The following FGGY variants were observed in gnomAD, a reference collection of about 807,000 sequenced individuals.
FGGY encodes the protein FGGY carbohydrate kinase domain-containing protein.
FGGY carries 72 observed loss-of-function variants against 71.3 expected under a neutral mutation model. That is an observed-to-expected ratio of 1.01 (90% CI 0.84 to 1.23). The LOEUF (loss-of-function observed/expected upper bound fraction) is 1.23. FGGY is among the 50% of genes most tolerant of loss of function. The pLI is 0.00. For synonymous variants in FGGY, 251 were observed against 250.3 expected (o/e 1.00, Z -0.02); for missense variants, 668 against 682.3 (o/e 0.98, Z 0.23).
intron 2 of FGGY, among the ~76,000 whole-genome samples, chr1:59,326,473 T>G (rs2047448931): frequency 6.6e-6 from 1 of 152,218 alleles, no homozygotes. Context: ...TGATTGCTAT[T>G]GCAGGGTGAA....
intron 9 of FGGY, among the ~76,000 whole-genome samples, chr1:59,615,536 A>C (rs889735150): frequency 6.6e-6 from 1 of 152,230 alleles, no homozygotes; most frequent in Non-Finnish European, 1.5e-5. Context: ...CTACAACCAT[A>C]AAAACCCTAG....
intron 14 of FGGY, among the ~76,000 whole-genome samples, chr1:59,713,205 C>T (rs547292517): frequency 1.3e-5 from 2 of 152,198 alleles, no homozygotes; most frequent in Non-Finnish European, 2.9e-5. Context: ...TCTGATACCA[C>T]CTCAGCCTAG....
intron 5 of FGGY, among the ~76,000 whole-genome samples, chr1:59,420,731 G>A (rs892020818): frequency 2.6e-5 from 4 of 152,074 alleles, no homozygotes; most frequent in Admixed American, 2.0e-4. Context: ...CTTCTACCCT[G>A]AAATGATCAA....
chr1:59,586,224 G>T (rs2096283699), intron 8 of FGGY, among the ~76,000 whole-genome samples: 1 of 152,098 alleles, frequency 6.6e-6, no homozygotes, highest in Admixed American at 6.6e-5. Context: ...TGTTTATTGT[G>T]GCACTATTCA....
chr1:59,516,310 G>A (rs973974759), intron 7 of FGGY, among the ~76,000 whole-genome samples: 3 of 152,182 alleles, frequency 2.0e-5, no homozygotes, highest in Non-Finnish European at 2.9e-5. Context: ...TTGAGTGAAT[G>A]CAACCTGTCA....
At position 59,457,044 on chromosome 1, in the gene FGGY, A is replaced by G. The variant is rs748586572; in HGVS notation, c.638A>G (p.Glu213Gly). ...DDSFWKMIGL[E>G]DFVADNYSKI... ...AGTTTCTGGAAAATGATTGGTTTGG[A>G]AGACTTTGTTGCAGATAATTACAGC... Residue 213 changes from glutamate (E) to glycine (G), a missense_variant, in exon 6 of 16, where the codon GAA becomes GGA. By Grantham distance (98) the Glu-to-Gly change is moderately conservative (BLOSUM62 -2). Around this residue, in one of 2 missense-constraint regions of FGGY, gnomAD observed 661 missense variants for 661.6 expected, o/e 1.00. Transcript: ENST00000303721. The G allele has an allele frequency of 6.2e-6, 10 of 1,614,010 alleles. No homozygotes were observed. Among genetic ancestry groups the G allele is most frequent in the Non-Finnish European group, 7.6e-6 (9 of 1,179,894 alleles).
Position 59,551,406 on chromosome 1 carries a change from CA to C in FGGY, c.800-2717del, listed in dbSNP as rs1380196066. ...CTTTTCGTATTGACTGACCCTGTAA[CA>C]TTAACTTTGCCTGTACTTTATGTTT... On this transcript the variant is annotated intron_variant, in intron 7 of 15. Transcript: ENST00000303721. Among the ~76,000 whole-genome samples the C allele has an allele frequency of 2.6e-5, 4 of 152,268 alleles. No individual in the cohort carries two copies. The East Asian group carries it at 7.7e-4, about 29-fold the overall frequency.
intron 6 of FGGY, among the ~76,000 whole-genome samples, chr1:59,506,752 T>C (rs2094394418): frequency 6.6e-6 from 1 of 152,086 alleles, no homozygotes. Flanking sequence ...TGAGCTGAGA[T>C]TGTGCCACTG....
intron 9 of FGGY, among the ~76,000 whole-genome samples, chr1:59,610,139 G>A (rs2096660618): frequency 6.6e-6 from 1 of 152,152 alleles, no homozygotes; most frequent in Non-Finnish European, 1.5e-5. Context: ...ATAGGAATAT[G>A]TGTGCCATGG....
chr1:59,497,831 C>T (rs558078873), intron 6 of FGGY, among the ~76,000 whole-genome samples: 115 of 152,274 alleles, frequency 7.6e-4, no homozygotes, highest in African/African-American at 2.7e-3. Flanking sequence ...GCAACTCTGT[C>T]GGCGCTGCTA....
intron 9 of FGGY, among the ~76,000 whole-genome samples, chr1:59,616,006 G>A (rs1316249269): frequency 1.3e-5 from 2 of 152,240 alleles, no homozygotes; most frequent in Non-Finnish European, 2.9e-5. Flanking sequence ...AACAGGTGCT[G>A]GAGAAATAGG....
intron 9 of FGGY, 25 bp downstream of exon 9, chr1:59,607,935 G>T (rs765342770): frequency 8.2e-5 from 128 of 1,568,798 alleles, no homozygotes; most frequent in Non-Finnish European, 4.4e-5. Context: ...TCTCAATAGG[G>T]TCATGGATGT....
At chr1:59,617,347 A>G (rs1344211490) in intron 9 of FGGY, among the ~76,000 whole-genome samples, 1 of 152,164 alleles carries the variant, frequency 6.6e-6, no homozygotes, top group Admixed American at 6.6e-5. Flanking sequence ...TTTTACAATT[A>G]AATGCAGATC....
intron 7 of FGGY, among the ~76,000 whole-genome samples, chr1:59,514,546 A>G (rs1455984711): frequency 6.6e-6 from 1 of 152,162 alleles, no homozygotes; most frequent in African/African-American, 2.4e-5. Context: ...AAATGCTTGT[A>G]AGTGATATGG....
intron 11 of FGGY, among the ~76,000 whole-genome samples, chr1:59,651,736 A>C (rs1025138703): frequency 5.3e-5 from 8 of 150,352 alleles, no homozygotes; most frequent in Non-Finnish European, 1.0e-4. Context: ...TCAATTGGAG[A>C]ATTTAGTCCA....
chr1:59,504,822 G>GT (rs2094335135), intron 6 of FGGY, among the ~76,000 whole-genome samples: 1 of 152,136 alleles, frequency 6.6e-6, no homozygotes, highest in Admixed American at 6.5e-5. Context: ...CTGTGTGAGT[G>GT]TATGTTTAAT....
chr1:59,740,202 A>G (rs1171787971), intron 14 of FGGY, among the ~76,000 whole-genome samples: 1 of 152,188 alleles, frequency 6.6e-6, no homozygotes, highest in Non-Finnish European at 1.5e-5. Flanking sequence ...CAGTTACCCA[A>G]TGTGAGTGTC....
At chr1:59,535,819 ATG>A (rs1341877022) in intron 7 of FGGY, among the ~76,000 whole-genome samples, 1 of 149,510 alleles carries the variant, frequency 6.7e-6, no homozygotes, top group African/African-American at 2.5e-5. Flanking sequence ...AATCTCTGGG[ATG>A]CATTCAAAGC....
intron 14 of FGGY, among the ~76,000 whole-genome samples, chr1:59,687,642 T>G (rs1405827733): frequency 6.6e-6 from 1 of 151,670 alleles, no homozygotes; most frequent in Non-Finnish European, 1.5e-5. Context: ...ATTTTTTTTT[T>G]TTTTTTAAGT....
Sources: gnomAD v4.1 joint callset for allele counts (sites outside exome capture counted in the v4.1 genomes callset) on GRCh38, gnomAD v4.1.1 for gene constraint, gnomAD v4.1.1 regional missense constraint, MANE v1.5 for transcripts, NCBI Gene and HGNC (gene_info 2026-07-23, HGNC 2026-07-21) for gene names.